SUGCT: variants seen among roughly 807,000 people sequenced by gnomAD.
The protein encoded by SUGCT is succinyl-CoA:glutarate-CoA transferase, also known as succinyl-CoA:glutarate CoA-transferase.
SUGCT carries 41 observed loss-of-function variants against 55.0 expected under a neutral mutation model. The observed-to-expected ratio is 0.74, with a 90% confidence interval of 0.58 to 0.97. The LOEUF (loss-of-function observed/expected upper bound fraction) is 0.97. Among genes scored for constraint, SUGCT ranks in the 50% least tolerant of loss-of-function variants. The pLI, the probability that SUGCT is intolerant of heterozygous loss-of-function variation, is 0.00. For missense variants in SUGCT, 568 were observed against 547.8 expected (o/e 1.04, Z -0.37); for synonymous variants, 187 against 200.4 (o/e 0.93, Z 0.56).
At chr7:40,941,783 A>C in the SUGCT span, among the ~76,000 whole-genome samples, 1 of 152,080 alleles carries the variant, frequency 6.6e-6, no homozygotes, top group Non-Finnish European at 1.5e-5. Context: ...GGATTGTAAT[A>C]TCTTGTTGTT....
At chr7:40,793,619 A>C (rs1217909031) in intron 13 of SUGCT, among the ~76,000 whole-genome samples, 6 of 152,058 alleles carry the variant, frequency 3.9e-5, no homozygotes, top group Non-Finnish European at 2.9e-5. Flanking sequence ...AAAATGTAAG[A>C]TGTATCTAGG....
chr7:40,869,834 T>G, the SUGCT span, among the ~76,000 whole-genome samples: 1 of 152,226 alleles, frequency 6.6e-6, no homozygotes, highest in Non-Finnish European at 1.5e-5. Flanking sequence ...AATTTGGTTT[T>G]GTGTGAAATG....
chr7:40,848,734 T>C (rs1793705624), intron 13 of SUGCT, among the ~76,000 whole-genome samples: 1 of 152,206 alleles, frequency 6.6e-6, no homozygotes, highest in Admixed American at 6.5e-5. Flanking sequence ...GCCTTGAGTT[T>C]CTGGGACGCC....
At chr7:40,474,034 C>T (rs535679904) in intron 11 of SUGCT, among the ~76,000 whole-genome samples, 45 of 152,176 alleles carry the variant, frequency 3.0e-4, no homozygotes, top group African/African-American at 1.0e-3. Context: ...CCCGCTTCTC[C>T]CCCTTTCCCT....
At chr7:40,176,036 A>G (rs1784906762) in intron 1 of SUGCT, among the ~76,000 whole-genome samples, 3 of 152,160 alleles carry the variant, frequency 2.0e-5, no homozygotes, top group Admixed American at 2.0e-4. Context: ...GTTGGAGATC[A>G]GCCTGGCCAA....
chr7:40,420,113 G>C (rs1215272250), intron 9 of SUGCT, among the ~76,000 whole-genome samples: 2 of 152,136 alleles, frequency 1.3e-5, no homozygotes, highest in African/African-American at 4.8e-5. Flanking sequence ...CTGGGTGAGA[G>C]AGAAGAGGAG....
At chr7:40,324,232 T>A (rs57261352) in intron 9 of SUGCT, among the ~76,000 whole-genome samples, 75,781 of 117,218 alleles carry the variant, frequency 0.65, 25,468 homozygotes, top group East Asian at 0.98. Flanking sequence ...TGATCATATA[T>A]ATAAATAAAT....
intron 12 of SUGCT, among the ~76,000 whole-genome samples, chr7:40,677,507 C>G (rs1256049001): frequency 2.0e-5 from 3 of 152,160 alleles, no homozygotes; most frequent in Non-Finnish European, 4.4e-5. Flanking sequence ...AGATAGCTAC[C>G]TCAACCCCAG....
intron 13 of SUGCT, among the ~76,000 whole-genome samples, chr7:40,822,100 A>C (rs1363114805): frequency 9.9e-5 from 15 of 152,132 alleles, no homozygotes; most frequent in East Asian, 5.8e-4. Flanking sequence ...ATCCTGAGTT[A>C]TAGTTTGATT....
chr7:40,774,523 G>A (rs929301453), intron 13 of SUGCT, among the ~76,000 whole-genome samples: 1 of 152,258 alleles, frequency 6.6e-6, no homozygotes, highest in Non-Finnish European at 1.5e-5. Flanking sequence ...ATTGCTGATT[G>A]TGTTAATTTT....
chr7:40,180,280 G>A (rs1208126006), intron 1 of SUGCT, among the ~76,000 whole-genome samples: 1 of 151,828 alleles, frequency 6.6e-6, no homozygotes, highest in Admixed American at 6.6e-5. Flanking sequence ...CACAGTGCCT[G>A]GCTATTTTTT....
At chr7:40,160,606 T>G (rs1784097302) in intron 1 of SUGCT, among the ~76,000 whole-genome samples, 1 of 152,216 alleles carries the variant, frequency 6.6e-6, no homozygotes, top group Non-Finnish European at 1.5e-5. Context: ...TTACTTTTAC[T>G]AAATATGACT....
chr7:40,420,570 C>A (rs1787254036), intron 9 of SUGCT, among the ~76,000 whole-genome samples: 1 of 152,078 alleles, frequency 6.6e-6, no homozygotes, highest in Non-Finnish European at 1.5e-5. Context: ...AACTCCTGAC[C>A]TCAGGTGATC....
intron 9 of SUGCT, among the ~76,000 whole-genome samples, chr7:40,374,726 A>G (rs950179603): frequency 6.6e-6 from 1 of 152,188 alleles, no homozygotes; most frequent in Admixed American, 6.5e-5. Flanking sequence ...TTCTCAGCTG[A>G]GTCACTTATA....
At chr7:40,954,210 T>A in the SUGCT span, among the ~76,000 whole-genome samples, 1 of 152,202 alleles carries the variant, frequency 6.6e-6, no homozygotes, top group Non-Finnish European at 1.5e-5. Flanking sequence ...ACTGCTGTGC[T>A]AGCAATGAGC....
At position 40,639,312 on chromosome 7, in the gene SUGCT, T is replaced by G. The variant is rs1264754458; in HGVS notation, c.1090-110122T>G. ...CGCCCAGCAAAAAAATCAGTTCTAATTAAATATTGGCAAAAGAGGAAGTAT... is the reference window on the plus strand; with the variant it reads ...CGCCCAGCAAAAAAATCAGTTCTAAGTAAATATTGGCAAAAGAGGAAGTAT... On this transcript the variant is annotated intron_variant, in intron 12 of 13. Transcript: ENST00000335693. Among the ~76,000 whole-genome samples, 3 of 152,134 alleles carry G rather than the reference T, an allele frequency of 2.0e-5. No individual in the cohort carries two copies. In the East Asian group the frequency reaches 5.8e-4, roughly 29 times the overall value.
intron 12 of SUGCT, among the ~76,000 whole-genome samples, chr7:40,611,989 G>A (rs921880175): frequency 6.7e-6 from 1 of 148,978 alleles, no homozygotes; most frequent in Non-Finnish European, 1.5e-5. Context: ...TTAAAGCACT[G>A]TTAAAAACTT....
At chr7:40,841,379 A>C (rs1793273583) in intron 13 of SUGCT, among the ~76,000 whole-genome samples, 1 of 152,170 alleles carries the variant, frequency 6.6e-6, no homozygotes, top group Non-Finnish European at 1.5e-5. Context: ...AATTTTGAAT[A>C]TATGATCATC....
intron 9 of SUGCT, among the ~76,000 whole-genome samples, chr7:40,333,533 A>G (rs1453933078): frequency 6.9e-6 from 1 of 144,098 alleles, no homozygotes; most frequent in Non-Finnish European, 1.5e-5. Context: ...GTTACTTGGG[A>G]GGGTGAGGCA....
Sources: gnomAD v4.1 joint callset for allele counts (sites outside exome capture counted in the v4.1 genomes callset) on GRCh38, gnomAD v4.1.1 for gene constraint, MANE v1.5 for transcripts, NCBI Gene and HGNC (gene_info 2026-07-23, HGNC 2026-07-21) for gene names.